The following SLC45A2 variants were observed in gnomAD, a reference collection of about 807,000 sequenced individuals.
The protein encoded by SLC45A2 is membrane-associated transporter protein.
SLC45A2 carries 36 observed loss-of-function variants against 45.5 expected under a neutral mutation model. The observed-to-expected ratio is 0.79, with a 90% confidence interval of 0.61 to 1.04. The LOEUF (loss-of-function observed/expected upper bound fraction) is 1.04. Ranked by LOEUF, SLC45A2 falls within the 50% of genes least tolerant of loss-of-function variation. SLC45A2 has a pLI of 0.00. For synonymous variants in SLC45A2, 306 were observed against 269.3 expected, an observed-to-expected ratio of 1.14 and a Z score of -1.33; for missense variants, 719 against 671.0, an observed-to-expected ratio of 1.07 and a Z score of -0.79.
intron 6 of SLC45A2, chr5:33,946,874 C>G (rs754200912): frequency 3.6e-5 from 49 of 1,372,860 alleles, no homozygotes; most frequent in Admixed American, 1.8e-4. Flanking sequence ...GGGCTGGTTT[C>G]TCAGCCTCAC....
chr5:33,945,952 GATAGTAA>G, intron 6 of SLC45A2: 13 of 985,006 alleles, frequency 1.3e-5, no homozygotes, highest in Non-Finnish European at 1.4e-5. Context: ...GCTGGAGGGA[GATAGTAA>G]ATGGTAAAGG....
intron 2 of SLC45A2, among the ~76,000 whole-genome samples, chr5:33,975,463 G>A (rs1419555117): frequency 6.6e-6 from 1 of 152,176 alleles, no homozygotes; most frequent in Non-Finnish European, 1.5e-5. Flanking sequence ...GAACAAATGT[G>A]CAGATCAGGT....
intron 5 of SLC45A2, 72 bp downstream of exon 5, chr5:33,951,482 A>G (rs779747894): frequency 3.0e-5 from 48 of 1,610,964 alleles, no homozygotes; most frequent in Middle Eastern, 1.7e-4. Context: ...AAATACACAT[A>G]GAAATATCAA....
rs368428783 is a variant in SLC45A2, at chr5:33,984,214, C to A, written c.370G>T (p.Ala124Ser). 3 of 1,613,938 alleles carry A rather than the reference C, an allele frequency of 1.9e-6. No homozygotes were observed. The highest frequency in any genetic ancestry group is 2.5e-6 in the Non-Finnish European group (3 of 1,180,020). The change falls in exon 1 of 7, where the codon GCT (alanine) becomes TCT (serine). Residue 124 changes from alanine (A) to serine (S), a missense_variant. Physicochemically the swap from Ala to Ser is moderately conservative, Grantham distance 99. Transcript: ENST00000296589. ...LVGMALYLNGATVVAALIANP... is the reference protein window; with the variant it reads ...LVGMALYLNGSTVVAALIANP... Reference sequence around the variant, plus strand: ...GCCCACTTACCTGCTACAACAGTAGCCCCATTGAGGTACAGAGCCATGCCC... The same window carrying A: ...GCCCACTTACCTGCTACAACAGTAGACCCATTGAGGTACAGAGCCATGCCC...
intron 5 of SLC45A2, among the ~76,000 whole-genome samples, chr5:33,948,298 T>C (rs1014797173): frequency 2.6e-5 from 4 of 152,250 alleles, no homozygotes; most frequent in Admixed American, 2.6e-4. Flanking sequence ...AAATTCTGCT[T>C]TAAAACATTT....
At chr5:33,982,834 G>A (rs1477077026) in intron 1 of SLC45A2, among the ~76,000 whole-genome samples, 1 of 152,122 alleles carries the variant, frequency 6.6e-6, no homozygotes, top group Non-Finnish European at 1.5e-5. Context: ...CATGCTTATC[G>A]CAAGCAATTC....
Position 33,982,254 on chromosome 5 carries a change from A to G in SLC45A2, c.544T>C (p.Tyr182His). 6.2e-7 allele frequency: 1 copy of G among 1,614,012 alleles called. No homozygotes were observed. Among genetic ancestry groups the G allele is most frequent in the Non-Finnish European group, 8.5e-7 (1 of 1,179,918 alleles). Reference sequence around the variant, plus strand: ...TCCCTACCTGTGAAGAGGGCATGGTAGTGGAGGCCCTTCTCCTTGTCCTGA... The same window carrying G: ...TCCCTACCTGTGAAGAGGGCATGGTGGTGGAGGCCCTTCTCCTTGTCCTGA... Reference protein sequence around the residue: ...SHQDKEKGLHYHALFTGFGGA... With the variant: ...SHQDKEKGLHHHALFTGFGGA... The change falls in exon 2 of 7, where the codon TAC (tyrosine) becomes CAC (histidine). Residue 182 changes from tyrosine to histidine, a missense_variant. Tyr to His is a moderately conservative substitution (Grantham distance 83, BLOSUM62 2). Transcript: ENST00000296589.
At chr5:33,946,817 G>A in intron 6 of SLC45A2, 1 of 1,258,956 alleles carries the variant, frequency 7.9e-7, no homozygotes, top group Non-Finnish European at 1.0e-6. Flanking sequence ...CCTATGAGGT[G>A]GTTACAGAAG....
rs1042797261 is a variant in SLC45A2, at chr5:33,946,284, T to C, written c.1368+879A>G. ...CCACACCTCTTTTTTGAAAGGTTTT[T>C]ACTCCTGGTGCACCTCTGCCCTGCT... On this transcript the variant is annotated intron_variant, in intron 6 of 6. Coordinates refer to ENST00000296589, the MANE Select transcript of SLC45A2 (RefSeq NM_016180.5). The C allele has an allele frequency of 3.0e-6, 3 of 985,360 alleles. No individual in the cohort carries two copies. In the Admixed American group the frequency reaches 1.8e-4, roughly 61 times the overall value. 61.0% of individuals were successfully genotyped at this position (985,360 alleles called of 1,614,324 possible). A position where few individuals can be genotyped will look rare whatever the true frequency, so the allele number is the denominator to read the frequency against.
At position 33,944,667 on chromosome 5, in the gene SLC45A2, AAG is replaced by A; in HGVS notation, c.1572_1573del (p.Phe525CysfsTer2). On this transcript the variant is annotated frameshift_variant, in exon 7 of 7. Coordinates refer to ENST00000296589, the MANE Select transcript of SLC45A2 (RefSeq NM_016180.5). LOFTEE classifies it high-confidence loss of function. ...ATTGACCTAATCCACATATCTAACAAAGAGAGCGACAAAGCAACAGCCTATCA... is the reference window on the plus strand; with the variant it reads ...ATTGACCTAATCCACATATCTAACAAAGAGCGACAAAGCAACAGCCTATCA... 6.2e-7 allele frequency: 1 copy of A among 1,614,202 alleles called. No homozygotes were observed. Among genetic ancestry groups the A allele is most frequent in the Non-Finnish European group, 8.5e-7 (1 of 1,180,042 alleles).
In SLC45A2 at chr5:33,954,435, G is replaced by A. The variant is rs774134420; in HGVS notation, c.958C>T (p.Leu320Phe). The A allele has an allele frequency of 3.7e-6, 6 of 1,613,988 alleles. No homozygotes were observed. Among genetic ancestry groups the A allele is most frequent in the Non-Finnish European group, 5.1e-6 (6 of 1,180,006 alleles). ...CATCCAATGAGGTGGCTGATGCAAA[G>A]GTAGCGGTAGTGAGGAGGCATGTTC... ...LVNMPPHYRY[L>F]CISHLIGWTA... The change falls in exon 4 of 7, where the codon CTT becomes TTT. Residue 320 changes from leucine (L) to phenylalanine (F), a missense_variant. Physicochemically the swap from Leu to Phe is conservative, Grantham distance 22. Transcript: ENST00000296589.
In SLC45A2 at chr5:33,969,458, C is replaced by T. The variant is rs1424517001; in HGVS notation, c.563-5442G>A. Among the ~76,000 whole-genome samples, 6 of 152,086 alleles carry T rather than the reference C, an allele frequency of 3.9e-5. No individual in the cohort carries two copies. In the East Asian group the frequency reaches 5.8e-4, roughly 15 times the overall value. On this transcript the variant is annotated intron_variant, in intron 2 of 6. Coordinates refer to ENST00000296589, the MANE Select transcript of SLC45A2 (RefSeq NM_016180.5). ...TGTTTCCATCCACCTACCTCTAATC[C>T]TGGCATCCCTTTCTCTCATTGGGCC...
At chr5:33,978,365 T>G (rs542659175) in intron 2 of SLC45A2, among the ~76,000 whole-genome samples, 1 of 152,192 alleles carries the variant, frequency 6.6e-6, no homozygotes, top group African/African-American at 2.4e-5. Context: ...GGAATGGCCC[T>G]GCAAAGCCAT....
intron 3 of SLC45A2, among the ~76,000 whole-genome samples, chr5:33,962,540 T>A (rs1486268647): frequency 6.6e-6 from 1 of 152,250 alleles, no homozygotes; most frequent in Non-Finnish European, 1.5e-5. Flanking sequence ...TAAGGCACTC[T>A]AGTGTTCTGC....
intron 2 of SLC45A2, among the ~76,000 whole-genome samples, chr5:33,966,923 T>C (rs1448314741): frequency 6.6e-6 from 1 of 152,188 alleles, no homozygotes; most frequent in Non-Finnish European, 1.5e-5. Context: ...TTCCTATCTT[T>C]GTGCTTTCTA....
At position 33,963,803 on chromosome 5, in the gene SLC45A2, G is replaced by A. The variant is rs758649178; in HGVS notation, c.776C>T (p.Pro259Leu). The change falls in exon 3 of 7, where the codon CCA becomes CTA. Residue 259 changes from proline (P) to leucine (L), a missense_variant. Coordinates refer to ENST00000296589, the MANE Select transcript of SLC45A2 (RefSeq NM_016180.5). ...IPPQQTPQDPPLSSDGMYEYG... is the reference protein window; with the variant it reads ...IPPQQTPQDPLLSSDGMYEYG... ...CTCGTACATTCCATCTGATGACAAT[G>A]GAGGGTCCTGAGGGGTTTGCTGTGG... 3.8e-5 allele frequency: 61 copies of A among 1,614,010 alleles called. 1 individual carries two copies. Among genetic ancestry groups the A allele is most frequent in the South Asian group, 2.2e-4 (20 of 91,074 alleles).
chr5:33,980,025 T>C (rs1013875465), intron 2 of SLC45A2, among the ~76,000 whole-genome samples: 4 of 152,222 alleles, frequency 2.6e-5, no homozygotes, highest in African/African-American at 9.6e-5. Flanking sequence ...CAATGTCCTG[T>C]AGATCAATAA....
Position 33,963,694 on chromosome 5 carries a change from T to C in SLC45A2, c.885A>G (p.Glu295=). The C allele has an allele frequency of 1.2e-6, 2 of 1,613,866 alleles. No individual in the cohort carries two copies. The highest frequency in any genetic ancestry group is 1.7e-6 in the Non-Finnish European group (2 of 1,179,946). Residue 295 remains glutamate (E), a synonymous_variant, in exon 3 of 7, where the codon GAA becomes GAG. Coordinates refer to ENST00000296589, the MANE Select transcript of SLC45A2 (RefSeq NM_016180.5). ...AGAAAAAATGTTGCATCTTTACCTG[T>C]TCAGCATGATTTTTGTTTTTTGCTC... ...MQGAKNKNHA[E]QTRRAMTLKS...
In SLC45A2 at chr5:33,947,286, A is replaced by G. The variant is rs1332674089; in HGVS notation, c.1245T>C (p.Ile415=). ...TGGAGTAGACATTCGGGAAGAGCCC[A>G]ATAAATCCCGTCCCCAGGCCAAACA... ...YLLFGLGTGF[I]GLFPNVYSTL... is the part of the protein sequence containing the mutation. Residue 415 remains isoleucine (I), a synonymous_variant, in exon 6 of 7, where the codon ATT becomes ATC. Transcript: ENST00000296589. The G allele has an allele frequency of 6.2e-7, 1 of 1,614,242 alleles. No homozygotes were observed. Among genetic ancestry groups the G allele is most frequent in the Middle Eastern group, 1.6e-4 (1 of 6,062 alleles).
Sources: gnomAD v4.1 joint callset for allele counts (sites outside exome capture counted in the v4.1 genomes callset) on GRCh38, gnomAD v4.1.1 for gene constraint, MANE v1.5 for transcripts, NCBI Gene and HGNC (gene_info 2026-07-23, HGNC 2026-07-21) for gene names.